ABI2: variants seen among roughly 807,000 people sequenced by gnomAD.
ABI2 encodes abelson interactor 2.
In ABI2, 25 loss-of-function variants were observed where a neutral mutation model predicts 59.2. The observed-to-expected ratio is 0.42, with a 90% CI of 0.31 to 0.59. The LOEUF is 0.59. Ranked by LOEUF, ABI2 falls within the 20% of genes least tolerant of loss-of-function variation. The pLI is 0.14. For missense variants in ABI2, 545 were observed against 681.8 expected, an observed-to-expected ratio of 0.80 and a Z score of 2.23; for synonymous variants, 213 against 235.5, an observed-to-expected ratio of 0.90 and a Z score of 0.87.
chr2:203,377,888 A>G (rs2095817489), intron 2 of ABI2, among the ~76,000 whole-genome samples: 1 of 152,242 alleles, frequency 6.6e-6, no homozygotes, highest in South Asian at 2.1e-4. Context: ...CCTGGGCGAC[A>G]GAGTGAGATA....
Position 203,328,589 on chromosome 2 carries a change from T to C in ABI2, c.75T>C (p.Asn25=). 1 of 1,604,150 alleles carries C rather than the reference T, an allele frequency of 6.2e-7. No individual in the cohort carries two copies. The highest frequency in any genetic ancestry group is 8.5e-7 in the Non-Finnish European group (1 of 1,175,598). The change falls in exon 1 of 12, where the codon AAT becomes AAC. Residue 25 remains asparagine (N), a synonymous_variant. Coordinates refer to ENST00000261018, the MANE Select transcript of ABI2 (RefSeq NM_001375670.1). ...GGGCCCTCTTCGACAGCTACACAAA[T>C]CTGGAACGGGTGGCCGATTACTGCG... is the stretch of plus-strand genomic sequence containing the variant. ...GRRALFDSYT[N]LERVADYCEN...
chr2:203,386,515 C>T, intron 4 of ABI2: 1 of 681,260 alleles, frequency 1.5e-6, no homozygotes, highest in Non-Finnish European at 1.8e-6. Flanking sequence ...TAAAACTTAA[C>T]AAGTTTAAGA....
At chr2:203,381,811 C>G (rs1249651080) in intron 3 of ABI2, among the ~76,000 whole-genome samples, 1 of 152,102 alleles carries the variant, frequency 6.6e-6, no homozygotes, top group Admixed American at 6.6e-5. Flanking sequence ...AAAAAGTAAT[C>G]CCATTTTTTT....
At chr2:203,387,729 T>C (rs1188688207) in intron 4 of ABI2, among the ~76,000 whole-genome samples, 1 of 152,250 alleles carries the variant, frequency 6.6e-6, no homozygotes, top group East Asian at 1.9e-4. Context: ...GTGTGCCTGA[T>C]GATAGTTCTG....
chr2:203,344,765 C>G (rs2082151999), intron 1 of ABI2, among the ~76,000 whole-genome samples: 1 of 151,968 alleles, frequency 6.6e-6, no homozygotes, highest in Non-Finnish European at 1.5e-5. Context: ...AATCAGCACT[C>G]TGTAAAAACG....
At position 203,377,604 on chromosome 2, in the gene ABI2, G is replaced by C. The variant is rs572511587; in HGVS notation, c.286-2604G>C. On this transcript the variant is annotated intron_variant, in intron 2 of 11. Coordinates refer to ENST00000261018, the MANE Select transcript of ABI2 (RefSeq NM_001375670.1). ...GCCCATACTTTTAATGATTTAGAAT[G>C]ACTCACTAAACTTTATTCAAGGCCA... Among the ~76,000 whole-genome samples the C allele has an allele frequency of 2.6e-5, 4 of 152,274 alleles. No individual in the cohort carries two copies. In the East Asian group the frequency reaches 7.7e-4, roughly 29 times the overall value.
rs2096595370 is a variant in ABI2, at chr2:203,387,930, C to G, written c.481-3116C>G. Among the ~76,000 whole-genome samples, 3 of 152,234 alleles carry G rather than the reference C, an allele frequency of 2.0e-5. No homozygotes were observed. In the South Asian group the frequency reaches 6.2e-4, roughly 32 times the overall value. ...CTACTTGTCAGGAAATGTTTTCTCT[C>G]TTAAATACTTCCCTCAAAATAGTTT... On this transcript the variant is annotated intron_variant, in intron 4 of 11. Coordinates refer to ENST00000261018, the MANE Select transcript of ABI2 (RefSeq NM_001375670.1).
intron 1 of ABI2, chr2:203,328,965 T>G (rs62183937): frequency 0.16 from 32,533 of 200,478 alleles, 3,445 homozygotes; most frequent in East Asian, 0.55. Flanking sequence ...GCATTTTCTG[T>G]TTGACGGAAT....
intron 1 of ABI2, among the ~76,000 whole-genome samples, chr2:203,336,179 A>G (rs960511504): frequency 7.2e-5 from 11 of 152,222 alleles, no homozygotes; most frequent in African/African-American, 1.9e-4. Context: ...TGAAAGAATC[A>G]TAATTTGTTC....
chr2:203,425,012 A>G (rs558879353), intron 11 of ABI2, among the ~76,000 whole-genome samples: 1 of 148,664 alleles, frequency 6.7e-6, no homozygotes, highest in African/African-American at 2.5e-5. Context: ...GGCACGCGCT[A>G]CCATGCCAGG....
chr2:203,363,572 T>C (rs1361964522), intron 1 of ABI2, among the ~76,000 whole-genome samples: 1 of 151,542 alleles, frequency 6.6e-6, no homozygotes, highest in Non-Finnish European at 1.5e-5. Flanking sequence ...CCTTCTACTC[T>C]CTATTTCTGT....
intron 2 of ABI2, among the ~76,000 whole-genome samples, chr2:203,373,568 T>A (rs1436254635): frequency 2.6e-5 from 4 of 152,120 alleles, no homozygotes; most frequent in Non-Finnish European, 5.9e-5. Flanking sequence ...CTTTTTTCTT[T>A]GCTAGTAAAA....
intron 1 of ABI2, among the ~76,000 whole-genome samples, chr2:203,357,671 A>G (rs1028039402): frequency 1.3e-5 from 2 of 152,254 alleles, no homozygotes; most frequent in Non-Finnish European, 2.9e-5. Context: ...TGAAGCCAGT[A>G]TATGTTAAAT....
intron 5 of ABI2, among the ~76,000 whole-genome samples, chr2:203,393,279 T>C (rs2096842228): frequency 6.6e-6 from 1 of 152,214 alleles, no homozygotes; most frequent in Admixed American, 6.5e-5. Context: ...GGTCTCAAAC[T>C]CCTGAGCTCA....
intron 2 of ABI2, among the ~76,000 whole-genome samples, chr2:203,373,269 C>A (rs1027889969): frequency 6.7e-6 from 1 of 150,262 alleles, no homozygotes; most frequent in Admixed American, 6.6e-5. Context: ...GAGACCAGCC[C>A]GGCCAACACA....
chr2:203,425,024 T>A (rs1387360333), intron 11 of ABI2, among the ~76,000 whole-genome samples: 1 of 147,554 alleles, frequency 6.8e-6, no homozygotes, highest in African/African-American at 2.6e-5. Context: ...CATGCCAGGC[T>A]AATTTTTTTT....
chr2:203,371,603 A>C (rs886994529), intron 2 of ABI2, among the ~76,000 whole-genome samples: 4 of 152,152 alleles, frequency 2.6e-5, no homozygotes, highest in Non-Finnish European at 4.4e-5. Context: ...TATCCTATTC[A>C]TTCTTTGGAA....
At chr2:203,378,273 C>T (rs938445377) in intron 2 of ABI2, among the ~76,000 whole-genome samples, 21 of 151,908 alleles carry the variant, frequency 1.4e-4, no homozygotes, top group African/African-American at 4.1e-4. Flanking sequence ...CCACCATGCC[C>T]GGCTAATTTT....
Position 203,394,847 on chromosome 2 carries a change from G to GT in ABI2, c.725+2dup. The GT allele has an allele frequency of 6.2e-7, 1 of 1,613,894 alleles. No individual in the cohort carries two copies. Among genetic ancestry groups the GT allele is most frequent in the Non-Finnish European group, 8.5e-7 (1 of 1,179,936 alleles). On this transcript the variant is annotated splice_donor_variant, in intron 6 of 11. Transcript: ENST00000261018. LOFTEE classifies it high-confidence loss of function. ...TGAATCAAAGAAATCGAACTTACAGGTATTTTCTCTACCTCAGTGCAAAAT... is the reference window on the plus strand; with the variant it reads ...TGAATCAAAGAAATCGAACTTACAGGTTATTTTCTCTACCTCAGTGCAAAAT...
Sources: gnomAD v4.1 joint callset for allele counts (sites outside exome capture counted in the v4.1 genomes callset) on GRCh38, gnomAD v4.1.1 for gene constraint, MANE v1.5 for transcripts, NCBI Gene and HGNC (gene_info 2026-07-23, HGNC 2026-07-21) for gene names.